CEP290: variants seen among roughly 807,000 people sequenced by gnomAD.
CEP290 encodes the protein centrosomal protein of 290 kDa.
Under a neutral mutation model 344.9 loss-of-function variants are expected in CEP290, and 317 were observed. That is an observed-to-expected ratio of 0.92 (90% CI 0.84 to 1.01). The LOEUF (loss-of-function observed/expected upper bound fraction) is 1.01. Among genes scored for constraint, CEP290 ranks in the 50% least tolerant of loss-of-function variants. CEP290 has a pLI of 0.00. For missense variants in CEP290, 2,754 were observed against 2,761.4 expected (o/e 1.00, Z 0.06); for synonymous variants, 932 against 895.8 (o/e 1.04, Z -0.72).
In CEP290 at chr12:88,059,170, TC is replaced by T. The variant is rs2034257966; in HGVS notation, c.6646-151del. 4.8e-6 allele frequency: 3 copies of T among 624,248 alleles called. No homozygotes were observed. In the South Asian group the frequency reaches 6.9e-5, roughly 14 times the overall value. 38.7% of individuals were successfully genotyped at this position (624,248 alleles called of 1,614,324 possible). On this transcript the variant is annotated intron_variant, in intron 48 of 53. Coordinates refer to ENST00000552810, the MANE Select transcript of CEP290 (RefSeq NM_025114.4). ...AAAATTTCAACAAATTCAACATCTC[TC>T]CTTTAAAGCAGCAATATGGCCAATA...
At chr12:88,106,048 A>C (rs527461003) in intron 25 of CEP290, among the ~76,000 whole-genome samples, 3 of 152,290 alleles carry the variant, frequency 2.0e-5, no homozygotes, top group African/African-American at 4.8e-5. Flanking sequence ...GAGCCACCAT[A>C]CTTGGTCTGC....
rs755112866 is a variant in CEP290 at position 88,136,702 on chromosome 12, C to T, written c.382G>A (p.Asp128Asn). The T allele has an allele frequency of 1.2e-6, 2 of 1,613,492 alleles. No homozygotes were observed. Among genetic ancestry groups the T allele is most frequent in the Non-Finnish European group, 1.7e-6 (2 of 1,179,680 alleles). ...CQLEKQLEQK[D>N]RELEDMEKEL... ...TTTTCCATGTCCTCCAATTCTCTATCTTTTTGTTCTAATTGTTTTTCAAGT... is the reference window on the plus strand; with the variant it reads ...TTTTCCATGTCCTCCAATTCTCTATTTTTTTGTTCTAATTGTTTTTCAAGT... Residue 128 changes from aspartate (D) to asparagine (N), a missense_variant, in exon 6 of 54, where the codon GAT becomes AAT. Physicochemically the swap from Asp to Asn is conservative, Grantham distance 23 (BLOSUM62 1). Coordinates refer to ENST00000552810, the MANE Select transcript of CEP290 (RefSeq NM_025114.4).
rs74827643 is a variant in CEP290, at chr12:88,057,052, G to A, written c.6819-1335C>T. Among the ~76,000 whole-genome samples the A allele has an allele frequency of 7.8e-3, 1,189 of 152,170 alleles. 22 individuals carry two copies. The highest frequency in any genetic ancestry group is 0.027 in the African/African-American group (1,141 of 41,516). ...TCAGTGACCTGTATCGTTCTCAGACGAAAAACACGTATATGATCTAAAATG... is the reference window on the plus strand; with the variant it reads ...TCAGTGACCTGTATCGTTCTCAGACAAAAAACACGTATATGATCTAAAATG... On this transcript the variant is annotated intron_variant, in intron 49 of 53. Coordinates refer to ENST00000552810, the MANE Select transcript of CEP290 (RefSeq NM_025114.4).
Position 88,126,453 on chromosome 12 carries a change from A to T in CEP290, c.943-15T>A. On this transcript the variant is annotated splice_polypyrimidine_tract_variant and intron_variant, in intron 11 of 53. Transcript: ENST00000552810. ...GACAAAATTAGCTAGAAATAAACAC[A>T]ATAGAATCTGTTATGCAAAAGGAAA... 6.8e-7 allele frequency: 1 copy of T among 1,462,970 alleles called. No individual in the cohort carries two copies. The highest frequency in any genetic ancestry group is 9.1e-7 in the Non-Finnish European group (1 of 1,097,782). 90.6% of individuals were successfully genotyped at this position (1,462,970 alleles called of 1,614,324 possible).
intron 6 of CEP290, 108 bp from the exon 7 acceptor site, chr12:88,131,326 C>CCGA: frequency 1.4e-6 from 1 of 721,526 alleles, no homozygotes; most frequent in Non-Finnish European, 2.1e-6. Flanking sequence ...TACAGTGGTG[C>CCGA]GATCTCGGCT....
chr12:88,059,284 T>C (rs2034266251), intron 48 of CEP290, among the ~76,000 whole-genome samples: 1 of 152,232 alleles, frequency 6.6e-6, no homozygotes. Context: ...TTTGTTCCTC[T>C]ATATTTTTAG....
chr12:88,083,687 C>T (rs552069241), intron 36 of CEP290, among the ~76,000 whole-genome samples, 160 bp downstream of exon 36: 4 of 152,158 alleles, frequency 2.6e-5, no homozygotes, highest in South Asian at 4.1e-4. Context: ...TTGTGAACAG[C>T]GGTGAGCTAC....
chr12:88,062,459 A>G (rs1481100899), intron 46 of CEP290, among the ~76,000 whole-genome samples: 2 of 152,202 alleles, frequency 1.3e-5, no homozygotes, highest in Admixed American at 6.5e-5. Context: ...TTTTCAAGGT[A>G]TGGAGGCATA....
intron 15 of CEP290, among the ~76,000 whole-genome samples, chr12:88,119,687 T>C (rs1256741385): frequency 6.6e-6 from 1 of 152,056 alleles, no homozygotes; most frequent in Non-Finnish European, 1.5e-5. Context: ...TAATCCCAGC[T>C]ACTCAGGAGG....
chr12:88,066,842 C>T lies in CEP290; in HGVS notation c.6135+1680G>A, dbSNP rs191232800. The stretch of plus-strand genomic sequence containing the variant: ...ACAGGGTCTGGCTATGCTGCCCAAG[C>T]TGATCTCAAACTCTTGGCCTCAAGC... On this transcript the variant is annotated intron_variant, in intron 44 of 53. Transcript: ENST00000552810. Among the ~76,000 whole-genome samples the T allele has an allele frequency of 2.0e-5, 3 of 152,214 alleles. No individual in the cohort carries two copies. The East Asian group carries it at 5.8e-4, about 29-fold the overall frequency.
chr12:88,100,863 T>C (rs1394833613), intron 26 of CEP290, among the ~76,000 whole-genome samples: 6 of 152,062 alleles, frequency 3.9e-5, no homozygotes, highest in South Asian at 2.1e-4. Context: ...TCCCTATATA[T>C]AGAAAAGAGC....
chr12:88,065,780 G>A (rs183020866), intron 44 of CEP290, among the ~76,000 whole-genome samples: 6 of 152,276 alleles, frequency 3.9e-5, no homozygotes, highest in South Asian at 2.1e-4. Flanking sequence ...ATATGATGCA[G>A]TTACTATTAG....
At chr12:88,083,010 C>T (rs376073883) in intron 37 of CEP290, 21 bp downstream of exon 37, 17 of 1,351,626 alleles carry the variant, frequency 1.3e-5, no homozygotes, top group Middle Eastern at 2.0e-4. Context: ...CCTATTTTTA[C>T]AATACATTTC....
chr12:88,074,224 T>C (rs2035594392), intron 41 of CEP290, among the ~76,000 whole-genome samples: 1 of 151,390 alleles, frequency 6.6e-6, no homozygotes, highest in Non-Finnish European at 1.5e-5. Flanking sequence ...AAACTCCATC[T>C]CAAAAAAAAA....
chr12:88,093,462 G>A (rs1285328348), intron 28 of CEP290: 3 of 273,052 alleles, frequency 1.1e-5, no homozygotes, highest in Non-Finnish European at 2.1e-5. Flanking sequence ...GGTCTGACAT[G>A]TAATAGGCAA....
intron 46 of CEP290, among the ~76,000 whole-genome samples, chr12:88,061,870 C>G (rs2034510469): frequency 6.6e-6 from 1 of 151,846 alleles, no homozygotes; most frequent in Admixed American, 6.6e-5. Context: ...CCTCCGCCTG[C>G]CAGGTTCAAG....
intron 6 of CEP290, 90 bp downstream of exon 6, chr12:88,136,553 T>G: frequency 7.9e-7 from 1 of 1,271,528 alleles, no homozygotes; most frequent in Non-Finnish European, 1.1e-6. Context: ...AAATATAACA[T>G]ACAATATAAA....
chr12:88,083,102 T>C lies in CEP290; in HGVS notation c.4941A>G (p.Val1647=), dbSNP rs776334632. ...LSSLLVKLKK[V]SQDLERQREI... is the part of the protein sequence containing the mutation. The stretch of plus-strand genomic sequence containing the variant: ...CTCTTTGTCTCTCCAAATCTTGTGA[T>C]ACTTTCTTTAGTTTGACCAAGAGTG... Residue 1647 remains valine, a synonymous_variant, in exon 37 of 54, where the codon GTA becomes GTG. Transcript: ENST00000552810. The C allele has an allele frequency of 2.6e-6, 4 of 1,539,910 alleles. No homozygotes were observed. The South Asian group carries it at 5.0e-5, about 19-fold the overall frequency.
chr12:88,103,096 T>G, intron 25 of CEP290, 85 bp from the exon 26 acceptor site: 1 of 759,220 alleles, frequency 1.3e-6, no homozygotes, highest in Non-Finnish European at 1.9e-6. Flanking sequence ...ATAATACAAC[T>G]TAAAGTAAAA....
Sources: gnomAD v4.1 joint callset for allele counts (sites outside exome capture counted in the v4.1 genomes callset) on GRCh38, gnomAD v4.1.1 for gene constraint, MANE v1.5 for transcripts, NCBI Gene and HGNC (gene_info 2026-07-23, HGNC 2026-07-21) for gene names.